ACTR2: variants seen among roughly 807,000 people sequenced by gnomAD.
The protein encoded by ACTR2 is actin-related protein 2.
ACTR2 carries 5 observed loss-of-function variants against 50.2 expected under a neutral mutation model. That is an observed-to-expected ratio of 0.10 (90% confidence interval 0.05 to 0.21). The LOEUF (loss-of-function observed/expected upper bound fraction) is 0.21, where lower values mean the gene tolerates loss of function less well. Among genes scored for constraint, ACTR2 ranks in the 10% least tolerant of loss-of-function variants. ACTR2 has a pLI of 1.00. For synonymous variants in ACTR2, 140 were observed against 162.9 expected, an observed-to-expected ratio of 0.86 and a Z score of 1.07; for missense variants, 180 against 480.6, an observed-to-expected ratio of 0.37 and a Z score of 5.85.
chr2:65,231,076 G>A (rs1671629191), intron 1 of ACTR2, among the ~76,000 whole-genome samples: 1 of 151,380 alleles, frequency 6.6e-6, no homozygotes, highest in Non-Finnish European at 1.5e-5. Flanking sequence ...GCTGATTGTA[G>A]TATGTTATTG....
intron 1 of ACTR2, among the ~76,000 whole-genome samples, chr2:65,231,437 TA>T (rs1187002944): frequency 6.6e-6 from 1 of 152,248 alleles, no homozygotes; most frequent in Non-Finnish European, 1.5e-5. Flanking sequence ...GATTCCTTTA[TA>T]ATTAAATATT....
chr2:65,249,998 C>T (rs970218825), intron 3 of ACTR2, among the ~76,000 whole-genome samples: 11 of 152,146 alleles, frequency 7.2e-5, no homozygotes, highest in Non-Finnish European at 8.8e-5. Context: ...GACAGAGCTA[C>T]ACTCTTGGCC....
At chr2:65,266,558 TG>T (rs1672375935) in intron 8 of ACTR2, among the ~76,000 whole-genome samples, 3 of 151,520 alleles carry the variant, frequency 2.0e-5, no homozygotes, top group South Asian at 4.2e-4. Context: ...GTCTTGGGTG[TG>T]GGGGCGGTTT....
chr2:65,239,804 G>C (rs1223253497), intron 1 of ACTR2, 48 bp from the exon 2 acceptor site: 1 of 1,134,070 alleles, frequency 8.8e-7, no homozygotes, highest in Non-Finnish European at 1.3e-6. Flanking sequence ...TTAAAATATA[G>C]TAAATATCCT....
In ACTR2 at chr2:65,267,036, C is replaced by T. The variant is rs149026691; in HGVS notation, c.1015-1528C>T. Among the ~76,000 whole-genome samples, 656 of 152,240 alleles carry T rather than the reference C, an allele frequency of 4.3e-3. 5 individuals are homozygous for T. The highest frequency in any genetic ancestry group is 0.015 in the African/African-American group (630 of 41,548). On this transcript the variant is annotated intron_variant, in intron 8 of 8. Transcript: ENST00000260641. ...AAGAGCAATAACTCATATTACCAAA[C>T]CTCCAGGGTTAAGGTAGTGTGTGAG...
At position 65,227,846 on chromosome 2, in the gene ACTR2, G is replaced by A; in HGVS notation, c.-64G>A. 1.4e-6 allele frequency: 2 copies of A among 1,472,280 alleles called. No individual in the cohort carries two copies. The highest frequency in any genetic ancestry group is 1.5e-5 in the African/African-American group (1 of 67,624). 91.2% of individuals were successfully genotyped at this position (1,472,280 alleles called of 1,614,324 possible). A position where few individuals can be genotyped will look rare whatever the true frequency, so the allele number is the denominator to read the frequency against. On this transcript the variant is annotated 5_prime_UTR_variant, in exon 1 of 9. Transcript: ENST00000260641. ...CCGGGAAGACGCAAGAGGAAGAAGA[G>A]AAAACGGCCGGGCGGCGGTGGCTGT...
chr2:65,242,159 G>T (rs1270945678), intron 2 of ACTR2: 15 of 822,348 alleles, frequency 1.8e-5, no homozygotes, highest in Non-Finnish European at 2.6e-5. Context: ...GGGGAGGGGG[G>T]GTTATTTCCA....
At chr2:65,245,069 G>GT (rs1341818648) in intron 2 of ACTR2, among the ~76,000 whole-genome samples, 2 of 151,794 alleles carry the variant, frequency 1.3e-5, no homozygotes, top group African/African-American at 4.8e-5. Context: ...TCTAGCATCT[G>GT]TTTTTAACTT....
Position 65,270,059 on chromosome 2 carries a change from T to C in ACTR2, c.*1325T>C, listed in dbSNP as rs1251121639. On this transcript the variant is annotated 3_prime_UTR_variant, in exon 9 of 9. Coordinates refer to ENST00000260641, the MANE Select transcript of ACTR2 (RefSeq NM_005722.4). ...CAGAAAATCCTATTTATGAATCCTG[T>C]CGGTATTCCTTGGTATCTGAAAAAA... is the stretch of plus-strand genomic sequence containing the variant. 1.3e-5 allele frequency: 2 copies of C among 152,228 alleles called. No individual in the cohort carries two copies. The highest frequency in any genetic ancestry group is 4.8e-5 in the African/African-American group (2 of 41,460). 9.4% of individuals were successfully genotyped at this position (152,228 alleles called of 1,614,324 possible).
rs1672138252 is a variant in ACTR2 at position 65,255,776 on chromosome 2, T to A, written c.735+82T>A. ...TGGTGTCAGCTTAAGGAGGTTTTCTTAGAATCAGTATTTTTGTCTTGGGTT... is the reference window on the plus strand; with the variant it reads ...TGGTGTCAGCTTAAGGAGGTTTTCTAAGAATCAGTATTTTTGTCTTGGGTT... On this transcript the variant is annotated intron_variant, in intron 6 of 8. Transcript: ENST00000260641. 23 of 1,312,502 alleles carry A rather than the reference T, an allele frequency of 1.8e-5. No individual in the cohort carries two copies. The South Asian group carries it at 3.4e-4, about 19-fold the overall frequency. 81.3% of individuals were successfully genotyped at this position (1,312,502 alleles called of 1,614,324 possible).
chr2:65,267,862 C>CTTTTTTTTTTTTTTTTTTTTTTTTTTT (rs70943640), intron 8 of ACTR2, among the ~76,000 whole-genome samples: 12 of 47,412 alleles, frequency 2.5e-4, no homozygotes, highest in Non-Finnish European at 3.8e-4. Flanking sequence ...TGCAAGTCCT[C>CTTTTTTTTTTTTTTTTTTTTTTTTTTT]TTTTTTTTTT....
At chr2:65,247,372 A>G (rs1671958043) in intron 3 of ACTR2, among the ~76,000 whole-genome samples, 1 of 152,090 alleles carries the variant, frequency 6.6e-6, no homozygotes, top group Non-Finnish European at 1.5e-5. Context: ...GCAGATCACA[A>G]GGTCAGGAGA....
intron 7 of ACTR2, among the ~76,000 whole-genome samples, chr2:65,264,174 A>C (rs1489856610): frequency 6.6e-6 from 1 of 152,224 alleles, no homozygotes; most frequent in African/African-American, 2.4e-5. Context: ...GAACAACTCA[A>C]ATTTTGTTTT....
intron 8 of ACTR2, among the ~76,000 whole-genome samples, chr2:65,267,610 C>T (rs1672397822): frequency 6.6e-6 from 1 of 152,166 alleles, no homozygotes; most frequent in African/African-American, 2.4e-5. Context: ...CCTTCCTAGA[C>T]ACTTAATAGT....
chr2:65,265,136 C>T lies in ACTR2; in HGVS notation c.975C>T (p.Tyr325=). The part of the protein sequence containing the change: ...SRLERELKQL[Y]LERVLKGDVE... ...TGGAACGAGAACTTAAACAGCTTTA[C>T]TTAGAACGAGTTTTGAAGGGTGATG... Residue 325 remains tyrosine, a synonymous_variant, in exon 8 of 9, where the codon TAC becomes TAT. Transcript: ENST00000260641. 2 of 1,614,196 alleles carry T rather than the reference C, an allele frequency of 1.2e-6. No homozygotes were observed. Among genetic ancestry groups the T allele is most frequent in the Non-Finnish European group, 1.7e-6 (2 of 1,180,036 alleles).
chr2:65,241,234 G>C (rs1671836401), intron 2 of ACTR2, among the ~76,000 whole-genome samples: 1 of 152,116 alleles, frequency 6.6e-6, no homozygotes, highest in Non-Finnish European at 1.5e-5. Flanking sequence ...GTTTAATGAA[G>C]TTGAAGGCTA....
chr2:65,248,410 AAAG>A (rs1671981620), intron 3 of ACTR2, among the ~76,000 whole-genome samples: 1 of 152,058 alleles, frequency 6.6e-6, no homozygotes, highest in Non-Finnish European at 1.5e-5. Flanking sequence ...AAAAAGAAAA[AAAG>A]GGAATTGGGC....
chr2:65,256,172 C>T (rs1031440286), intron 6 of ACTR2, among the ~76,000 whole-genome samples: 1 of 152,134 alleles, frequency 6.6e-6, no homozygotes, highest in African/African-American at 2.4e-5. Flanking sequence ...TGCTCTAGGA[C>T]TTTTCAGAAT....
intron 2 of ACTR2, among the ~76,000 whole-genome samples, chr2:65,243,052 G>A (rs767832819): frequency 5.3e-5 from 8 of 152,252 alleles, no homozygotes; most frequent in Non-Finnish European, 1.0e-4. Flanking sequence ...AGGCCCAGGC[G>A]GGTGGATCAC....
Sources: gnomAD v4.1 joint callset for allele counts (sites outside exome capture counted in the v4.1 genomes callset) on GRCh38, gnomAD v4.1.1 for gene constraint, MANE v1.5 for transcripts, NCBI Gene and HGNC (gene_info 2026-07-23, HGNC 2026-07-21) for gene names.